Variants in SCN2A observed in about 807,000 individuals in gnomAD.
The protein encoded by SCN2A is sodium voltage-gated channel alpha subunit 2, also known as sodium channel protein type 2 subunit alpha.
SCN2A carries 20 observed loss-of-function variants against 188.7 expected under a neutral mutation model. The ratio of observed to expected loss-of-function variants is 0.11; its 90% CI spans 0.07 to 0.15. The LOEUF is 0.15. Ranked by LOEUF, SCN2A falls within the 10% of genes least tolerant of loss-of-function variation. The pLI, the probability that SCN2A is intolerant of heterozygous loss-of-function variation, is 1.00. For synonymous variants in SCN2A, 804 were observed against 833.1 expected, an observed-to-expected ratio of 0.97 and a Z score of 0.60; for missense variants, 1,278 against 2,445.0, an observed-to-expected ratio of 0.52 and a Z score of 10.07.
intron 1 of SCN2A, among the ~76,000 whole-genome samples, chr2:165,284,008 CA>C (rs1318203998): frequency 6.6e-6 from 1 of 151,984 alleles, no homozygotes; most frequent in Non-Finnish European, 1.5e-5. Flanking sequence ...GAAATGAACC[CA>C]TGGTCTCCTA....
chr2:165,297,451 C>G (rs1414814146), intron 3 of SCN2A, among the ~76,000 whole-genome samples: 1 of 152,174 alleles, frequency 6.6e-6, no homozygotes, highest in Non-Finnish European at 1.5e-5. Context: ...TCCTGTAAGT[C>G]TTCAATTTAC....
rs781204054 is a variant in SCN2A, at chr2:165,312,036, T to G, written c.982T>G (p.Phe328Val). Reference protein sequence around the residue: ...EYIEDKSHFYFLEGQNDALLC... With the variant: ...EYIEDKSHFYVLEGQNDALLC... The stretch of plus-strand genomic sequence containing the variant: ...TTCTCTTTAAATAGGTCACTTTTAT[T>G]TTTTAGAGGGGCAAAATGATGCTCT... Residue 328 changes from phenylalanine (F) to valine (V), a missense_variant, in exon 8 of 27, where the codon TTT becomes GTT. Physicochemically the swap from Phe to Val is conservative, Grantham distance 50. Coordinates refer to ENST00000375437, the MANE Select transcript of SCN2A (RefSeq NM_001040142.2). 167 of 1,611,566 alleles carry G rather than the reference T, an allele frequency of 1.0e-4. 1 individual carries two copies. In the East Asian group the frequency reaches 3.6e-3, roughly 35 times the overall value.
At chr2:165,345,228 C>G (rs1460304515) in intron 16 of SCN2A, among the ~76,000 whole-genome samples, 2 of 152,118 alleles carry the variant, frequency 1.3e-5, no homozygotes, top group Non-Finnish European at 2.9e-5. Context: ...TTTATAAGTA[C>G]TAGCAATAAC....
intron 11 of SCN2A, among the ~76,000 whole-genome samples, chr2:165,317,285 A>T (rs1214213368): frequency 6.7e-6 from 1 of 148,482 alleles, no homozygotes; most frequent in Non-Finnish European, 1.5e-5. Context: ...TAATCAATAA[A>T]TAGGAATCCT....
At chr2:165,355,781 G>A (rs1291200093) in intron 17 of SCN2A, among the ~76,000 whole-genome samples, 1 of 152,030 alleles carries the variant, frequency 6.6e-6, no homozygotes, top group Non-Finnish European at 1.5e-5. Flanking sequence ...GGTGGATCAC[G>A]AGGTCAGGAG....
chr2:165,288,431 ATT>A (rs577482770), intron 1 of SCN2A, among the ~76,000 whole-genome samples: 368 of 150,734 alleles, frequency 2.4e-3, no homozygotes, highest in African/African-American at 8.5e-3. Flanking sequence ...TTTCTAAATA[ATT>A]TTTTTTTATT....
chr2:165,374,029 T>C (rs966717796), intron 21 of SCN2A, among the ~76,000 whole-genome samples: 2 of 152,152 alleles, frequency 1.3e-5, no homozygotes, highest in African/African-American at 2.4e-5. Context: ...CTGCATGTTA[T>C]AGTGATACTA....
Position 165,374,806 on chromosome 2 carries a change from A to G in SCN2A, c.4094A>G (p.His1365Arg), listed in dbSNP as rs762800170. ...GVNLFAGKFY[H>R]CINYTTGEMF... ...AATCTCTTTGCTGGCAAGTTTTACC[A>G]TTGTATTAATTACACCACTGGAGAG... Residue 1365 changes from histidine to arginine, a missense_variant, in exon 22 of 27, where the codon CAT becomes CGT. His to Arg is a conservative substitution (Grantham distance 29). Around this residue, in one of 17 missense-constraint regions of SCN2A, gnomAD observed 32 missense variants for 42.5 expected, o/e 0.75. Coordinates refer to ENST00000375437, the MANE Select transcript of SCN2A (RefSeq NM_001040142.2). The G allele has an allele frequency of 1.1e-5, 18 of 1,613,584 alleles. 1 individual carries two copies. In the South Asian group the frequency reaches 1.3e-4, roughly 12 times the overall value.
intron 17 of SCN2A, among the ~76,000 whole-genome samples, chr2:165,355,043 G>A (rs1700112354): frequency 6.6e-6 from 1 of 152,158 alleles, no homozygotes; most frequent in Non-Finnish European, 1.5e-5. Context: ...TCTGATGAGA[G>A]GGTAGTTGCA....
At chr2:165,330,245 T>C (rs1287805925) in intron 13 of SCN2A, among the ~76,000 whole-genome samples, 5 of 152,130 alleles carry the variant, frequency 3.3e-5, no homozygotes, top group Non-Finnish European at 7.4e-5. Flanking sequence ...TGCTAAGAGG[T>C]GGTGGCCACA....
intron 1 of SCN2A, among the ~76,000 whole-genome samples, chr2:165,247,456 A>T (rs1693896352): frequency 6.6e-6 from 1 of 152,090 alleles, no homozygotes; most frequent in African/African-American, 2.4e-5. Flanking sequence ...CCTATTGCCA[A>T]ATTCATCAGT....
At chr2:165,242,902 T>A (rs1297940241) in intron 1 of SCN2A, among the ~76,000 whole-genome samples, 1 of 152,206 alleles carries the variant, frequency 6.6e-6, no homozygotes, top group Non-Finnish European at 1.5e-5. Flanking sequence ...CGAAATTAAA[T>A]CCTTGTTTGT....
intron 19 of SCN2A, among the ~76,000 whole-genome samples, chr2:165,367,841 G>A (rs1700809623): frequency 6.6e-6 from 1 of 152,188 alleles, no homozygotes; most frequent in Non-Finnish European, 1.5e-5. Flanking sequence ...CAAGGCAAAT[G>A]CATTTGGGCA....
At chr2:165,361,750 C>T (rs1404987905) in intron 17 of SCN2A, among the ~76,000 whole-genome samples, 1 of 151,910 alleles carries the variant, frequency 6.6e-6, no homozygotes, top group African/African-American at 2.4e-5. Context: ...AGCTATAGAT[C>T]CTTGTATACA....
intron 16 of SCN2A, among the ~76,000 whole-genome samples, chr2:165,353,761 A>C (rs939125892): frequency 6.6e-6 from 1 of 152,188 alleles, no homozygotes; most frequent in African/African-American, 2.4e-5. Context: ...GCACCAAGGC[A>C]TGAGGGATCT....
intron 25 of SCN2A, among the ~76,000 whole-genome samples, chr2:165,381,492 T>A (rs1701599292): frequency 6.9e-6 from 1 of 145,956 alleles, no homozygotes; most frequent in Non-Finnish European, 1.5e-5. Flanking sequence ...ACACTTCTAA[T>A]AACATCAAAA....
intron 5 of SCN2A, 180 bp from the exon 6 acceptor site, chr2:165,309,172 A>G: frequency 6.2e-7 from 1 of 1,613,472 alleles, no homozygotes; most frequent in South Asian, 1.1e-5. Context: ...CAGGTATGTA[A>G]CAGAATTTGT....
Position 165,295,759 on chromosome 2 carries a change from C to G in SCN2A, c.-51-14C>G. ...CTAATGGTCATTGCTTTTTTTCCCTCCCTGTTTCTGTAGCACTTTCTTATG... is the reference window on the plus strand; with the variant it reads ...CTAATGGTCATTGCTTTTTTTCCCTGCCTGTTTCTGTAGCACTTTCTTATG... On this transcript the variant is annotated splice_polypyrimidine_tract_variant and intron_variant, in intron 1 of 26. Coordinates refer to ENST00000375437, the MANE Select transcript of SCN2A (RefSeq NM_001040142.2). 6.2e-7 allele frequency: 1 copy of G among 1,611,532 alleles called. No homozygotes were observed. The highest frequency in any genetic ancestry group is 1.7e-5 in the Admixed American group (1 of 59,706).
intron 1 of SCN2A, among the ~76,000 whole-genome samples, chr2:165,243,021 C>T (rs1263735534): frequency 6.6e-6 from 1 of 152,172 alleles, no homozygotes; most frequent in East Asian, 1.9e-4. Context: ...AAAACACTTT[C>T]CTGCAGAATA....
Sources: gnomAD v4.1 joint callset for allele counts (sites outside exome capture counted in the v4.1 genomes callset) on GRCh38, gnomAD v4.1.1 for gene constraint, gnomAD v4.1.1 regional missense constraint, MANE v1.5 for transcripts, NCBI Gene and HGNC (gene_info 2026-07-23, HGNC 2026-07-21) for gene names.